The following SORBS2 variants were observed in gnomAD, a reference collection of about 807,000 sequenced individuals.
SORBS2 encodes the protein sorbin and SH3 domain containing 2.
Under a neutral mutation model 97.7 loss-of-function variants are expected in SORBS2, and 46 were observed. That is an observed-to-expected ratio of 0.47 (90% CI 0.37 to 0.60). SORBS2 has a LOEUF of 0.60. SORBS2 is among the 20% of genes least tolerant of loss of function. The pLI is 0.00. For synonymous variants in SORBS2, 476 were observed against 473.4 expected (o/e 1.01, Z -0.07); for missense variants, 1,316 against 1,282.3 (o/e 1.03, Z -0.40).
intron 1 of SORBS2, among the ~76,000 whole-genome samples, chr4:185,804,564 A>G (rs962559704): frequency 3.2e-4 from 49 of 152,354 alleles, no homozygotes; most frequent in Non-Finnish European, 5.0e-4. Flanking sequence ...AGAAATTCCA[A>G]TGTAAACGTC....
chr4:185,706,262 A>G (rs1236024723), intron 2 of SORBS2, among the ~76,000 whole-genome samples: 1 of 152,220 alleles, frequency 6.6e-6, no homozygotes, highest in Non-Finnish European at 1.5e-5. Flanking sequence ...GAAGACTAAT[A>G]CAAATATTCA....
chr4:185,902,111 A>T (rs918768039), intron 1 of SORBS2, among the ~76,000 whole-genome samples: 4 of 152,210 alleles, frequency 2.6e-5, no homozygotes, highest in African/African-American at 9.6e-5. Context: ...TACAGCAGGA[A>T]ATAGTATTTT....
intron 4 of SORBS2, among the ~76,000 whole-genome samples, chr4:185,674,086 A>G (rs896242088): frequency 6.6e-6 from 1 of 152,148 alleles, no homozygotes; most frequent in African/African-American, 2.4e-5. Context: ...AAACCCATCG[A>G]CTAGCCAATG....
chr4:185,751,466 C>G (rs572478883), intron 2 of SORBS2, among the ~76,000 whole-genome samples: 2 of 152,168 alleles, frequency 1.3e-5, no homozygotes, highest in South Asian at 2.1e-4. Context: ...GAAAAAGGAG[C>G]AAGAAACAGG....
intron 1 of SORBS2, among the ~76,000 whole-genome samples, chr4:185,795,436 C>T (rs547222735): frequency 5.3e-5 from 8 of 152,192 alleles, no homozygotes; most frequent in Middle Eastern, 6.8e-3. Flanking sequence ...CTAGTCCATC[C>T]CCAGCAGACA....
At chr4:185,766,701 T>A (rs750319709) in intron 2 of SORBS2, among the ~76,000 whole-genome samples, 4 of 152,202 alleles carry the variant, frequency 2.6e-5, no homozygotes, top group Non-Finnish European at 5.9e-5. Flanking sequence ...CCAATCGAAT[T>A]TTTTAGGTTT....
chr4:185,705,363 T>C (rs1041541815), intron 2 of SORBS2, among the ~76,000 whole-genome samples: 8 of 152,048 alleles, frequency 5.3e-5, no homozygotes, highest in African/African-American at 1.9e-4. Context: ...CTGGCCAACA[T>C]GGTGAAACCC....
chr4:185,636,668 A>T (rs1295289743), intron 4 of SORBS2, among the ~76,000 whole-genome samples: 47 of 103,318 alleles, frequency 4.5e-4, no homozygotes, highest in African/African-American at 1.6e-3. Context: ...TTTTTTTTTG[A>T]GATGGAGTCT....
At chr4:185,648,347 C>T (rs893883612) in intron 3 of SORBS2, among the ~76,000 whole-genome samples, 12 of 151,952 alleles carry the variant, frequency 7.9e-5, no homozygotes, top group African/African-American at 2.9e-4. Flanking sequence ...AAACACCATA[C>T]AAAAATTAGC....
At chr4:185,662,267 G>A (rs1204486600) in intron 4 of SORBS2, 25 bp from the exon 8 acceptor site, 3 of 1,575,560 alleles carry the variant, frequency 1.9e-6, no homozygotes, top group African/African-American at 2.7e-5. Context: ...AAGGCATCGA[G>A]TTAAATTAGC....
chr4:185,636,606 G>A (rs1399937248), intron 4 of SORBS2, among the ~76,000 whole-genome samples: 2 of 151,516 alleles, frequency 1.3e-5, no homozygotes, highest in Admixed American at 6.6e-5. Flanking sequence ...GGTGGATACA[G>A]TTCCTAATCA....
At chr4:185,768,692 C>T in intron 2 of SORBS2, among the ~76,000 whole-genome samples, 1 of 117,172 alleles carries the variant, frequency 8.5e-6, no homozygotes, top group Non-Finnish European at 1.7e-5. Flanking sequence ...GAGTGAGACT[C>T]TGTCTCAAAA....
intron 4 of SORBS2, among the ~76,000 whole-genome samples, chr4:185,642,372 G>C (rs2097140639): frequency 6.6e-6 from 1 of 151,494 alleles, no homozygotes; most frequent in African/African-American, 2.4e-5. Flanking sequence ...ACTTTATCAA[G>C]CATACAGAGG....
intron 1 of SORBS2, among the ~76,000 whole-genome samples, chr4:185,911,444 G>A (rs2099255021): frequency 6.6e-6 from 1 of 151,926 alleles, no homozygotes; most frequent in Non-Finnish European, 1.5e-5. Context: ...GCTCAGGCTG[G>A]TCTTGAACTC....
At chr4:185,656,682 T>A in exon 1 of SORBS2, 1 of 1,550,312 alleles carries the variant, frequency 6.5e-7, no homozygotes, top group Non-Finnish European at 8.7e-7. Context: ...AGCCTTCTCT[T>A]CCAGTGGACT....
Position 185,690,326 on chromosome 4 carries a change from CAT to C in SORBS2, c.-197-11506_-197-11505del, listed in dbSNP as rs1211870093. 5.3e-5 allele frequency among the ~76,000 whole-genome samples: 8 copies of C among 152,204 alleles called. No individual in the cohort carries two copies. The East Asian group carries it at 1.5e-3, about 29-fold the overall frequency. ...TATTGTTTATAGGAGTTAGTTTTAA[CAT>C]GTGATTAGAGAAAAAGGGAGTAGGA... is the stretch of plus-strand genomic sequence containing the variant. On this transcript the variant is annotated intron_variant, in intron 2 of 20. Transcript: ENST00000284776.
chr4:185,607,016 C>G lies in SORBS2; in HGVS notation c.2796+4764G>C. 2.0e-6 allele frequency: 2 copies of G among 1,012,714 alleles called. No individual in the cohort carries two copies. The highest frequency in any genetic ancestry group is 2.4e-6 in the Non-Finnish European group (2 of 846,150). The allele number at this position is 1,012,714 out of a possible 1,614,324, so 62.7% of individuals were successfully genotyped here. On this transcript the variant is annotated intron_variant, in intron 12 of 14. Transcript: ENST00000418609. The surrounding 1 kb of genome is among the most constrained non-coding windows in gnomAD (Gnocchi z 5.2). ...TCTGCATGGTAAGGCTGGGCTGCAG[C>G]CGAGGCCACACCCGCGTGAGTGGAA...
intron 4 of SORBS2, among the ~76,000 whole-genome samples, chr4:185,643,054 AG>A (rs2097152947): frequency 6.6e-6 from 1 of 152,256 alleles, no homozygotes; most frequent in African/African-American, 2.4e-5. Flanking sequence ...GCATCGTCCC[AG>A]GTGTTGGGAT....
chr4:185,861,769 C>T (rs775162524), intron 1 of SORBS2, among the ~76,000 whole-genome samples: 1 of 152,112 alleles, frequency 6.6e-6, no homozygotes, highest in Non-Finnish European at 1.5e-5. Context: ...CTGTGCCTGG[C>T]TAATTTTTGT....
Sources: gnomAD v4.1 joint callset for allele counts (sites outside exome capture counted in the v4.1 genomes callset) on GRCh38, gnomAD v4.1.1 for gene constraint, Gnocchi (gnomAD v3.1) non-coding constraint, MANE v1.5 for transcripts, NCBI Gene and HGNC (gene_info 2026-07-23, HGNC 2026-07-21) for gene names.